The following KIF6 variants were observed in gnomAD, a reference collection of about 807,000 sequenced individuals.
The protein encoded by KIF6 is kinesin family member 6, also known as kinesin-like protein KIF6.
A neutral mutation model predicts 112.7 loss-of-function variants in KIF6; 106 were observed. That is an observed-to-expected ratio of 0.94 (90% CI 0.80 to 1.11). The LOEUF is 1.11. KIF6 is among the 50% of genes least tolerant of loss of function. The pLI is 0.00. For missense variants in KIF6, 929 were observed against 964.0 expected (o/e 0.96, Z 0.48); for synonymous variants, 339 against 339.9 (o/e 1.00, Z 0.03).
At chr6:39,384,521 C>T (rs964526837) in intron 16 of KIF6, among the ~76,000 whole-genome samples, 10 of 152,210 alleles carry the variant, frequency 6.6e-5, no homozygotes, top group Non-Finnish European at 1.2e-4. Context: ...CTCCAGTTGC[C>T]GTGGCTTAGG....
At chr6:39,541,944 A>T (rs1778812861) in intron 12 of KIF6, among the ~76,000 whole-genome samples, 1 of 152,134 alleles carries the variant, frequency 6.6e-6, no homozygotes, top group African/African-American at 2.4e-5. Context: ...TGAGATGAAG[A>T]ATTATCCAGC....
chr6:39,437,545 G>A (rs777967484), intron 13 of KIF6, among the ~76,000 whole-genome samples: 1 of 152,166 alleles, frequency 6.6e-6, no homozygotes, highest in African/African-American at 2.4e-5. Context: ...AATGAGGCAT[G>A]TATCCATTGC....
At chr6:39,356,594 A>G (rs1291816358) in intron 19 of KIF6, among the ~76,000 whole-genome samples, 2 of 152,054 alleles carry the variant, frequency 1.3e-5, no homozygotes, top group African/African-American at 4.8e-5. Context: ...GCCCTATTTT[A>G]TATTTCTAAT....
intron 13 of KIF6, among the ~76,000 whole-genome samples, chr6:39,513,837 T>G (rs558973723): frequency 6.6e-6 from 1 of 152,300 alleles, no homozygotes; most frequent in East Asian, 1.9e-4. Context: ...TAACAAGGTT[T>G]GAATGTGTGG....
intron 13 of KIF6, among the ~76,000 whole-genome samples, chr6:39,524,124 G>C (rs79065120): frequency 0.094 from 13,736 of 146,166 alleles, 895 homozygotes; most frequent in South Asian, 0.2. Flanking sequence ...GGGCAAGGCT[G>C]TGTGTGTGTG....
At chr6:39,445,965 G>T (rs1772283578) in intron 13 of KIF6, among the ~76,000 whole-genome samples, 1 of 152,214 alleles carries the variant, frequency 6.6e-6, no homozygotes, top group South Asian at 2.1e-4. Context: ...CCCAGGCAGA[G>T]ACCCAATGAA....
At chr6:39,682,191 C>T (rs1390143100) in intron 3 of KIF6, among the ~76,000 whole-genome samples, 1 of 152,128 alleles carries the variant, frequency 6.6e-6, no homozygotes, top group African/African-American at 2.4e-5. Context: ...TGTTATGCAT[C>T]GCTAAACAAT....
chr6:39,623,507 T>C (rs566434307), intron 5 of KIF6, among the ~76,000 whole-genome samples: 73 of 152,322 alleles, frequency 4.8e-4, no homozygotes, highest in African/African-American at 1.6e-3. Flanking sequence ...TTCCTGAGCA[T>C]TTTACCTTCT....
chr6:39,491,268 T>C (rs951289717), intron 13 of KIF6, among the ~76,000 whole-genome samples: 3 of 152,050 alleles, frequency 2.0e-5, no homozygotes, highest in Non-Finnish European at 4.4e-5. Flanking sequence ...ACTGCCATGT[T>C]GTGAGAACGC....
intron 10 of KIF6, among the ~76,000 whole-genome samples, chr6:39,560,807 T>C (rs975958104): frequency 6.6e-6 from 1 of 152,166 alleles, no homozygotes; most frequent in African/African-American, 2.4e-5. Flanking sequence ...GTAAGTACCT[T>C]TTCTGTGTTC....
At chr6:39,426,903 C>G (rs1260326524) in intron 14 of KIF6, among the ~76,000 whole-genome samples, 2 of 152,154 alleles carry the variant, frequency 1.3e-5, no homozygotes, top group Non-Finnish European at 2.9e-5. Context: ...GTGCTTAGAA[C>G]CTACTTGCTA....
At chr6:39,558,884 A>T (rs1475004875) in intron 10 of KIF6, among the ~76,000 whole-genome samples, 1 of 152,214 alleles carries the variant, frequency 6.6e-6, no homozygotes, top group Non-Finnish European at 1.5e-5. Flanking sequence ...TAAAATAATC[A>T]TTAAAATACA....
At chr6:39,436,905 T>C (rs1771567974) in intron 13 of KIF6, among the ~76,000 whole-genome samples, 1 of 152,114 alleles carries the variant, frequency 6.6e-6, no homozygotes, top group Non-Finnish European at 1.5e-5. Context: ...TTGTGAAAAG[T>C]GATATTAGTA....
intron 5 of KIF6, among the ~76,000 whole-genome samples, chr6:39,618,268 C>T (rs1260896405): frequency 6.6e-6 from 1 of 152,148 alleles, no homozygotes; most frequent in African/African-American, 2.4e-5. Flanking sequence ...GCTTGAAAAC[C>T]GTATCTTTTC....
chr6:39,535,065 C>G (rs548047110), intron 13 of KIF6, among the ~76,000 whole-genome samples: 4 of 152,254 alleles, frequency 2.6e-5, no homozygotes, highest in Admixed American at 6.5e-5. Context: ...GAAGGAAGCA[C>G]TAAACATGGA....
At chr6:39,608,044 G>A (rs890940565) in intron 6 of KIF6, among the ~76,000 whole-genome samples, 1 of 151,998 alleles carries the variant, frequency 6.6e-6, no homozygotes. Flanking sequence ...TAGACAACAC[G>A]TCCAAGAACA....
At chr6:39,434,687 G>A (rs71571372) in intron 13 of KIF6, among the ~76,000 whole-genome samples, 6 of 152,246 alleles carry the variant, frequency 3.9e-5, no homozygotes, top group African/African-American at 1.4e-4. Context: ...GCATGCGGGA[G>A]AGGGAGGGAG....
chr6:39,377,141 T>C (rs1298985377), intron 16 of KIF6, among the ~76,000 whole-genome samples: 1 of 152,156 alleles, frequency 6.6e-6, no homozygotes, highest in African/African-American at 2.4e-5. Flanking sequence ...ACAGCAGTCT[T>C]GACTTCAAGG....
intron 3 of KIF6, among the ~76,000 whole-genome samples, chr6:39,674,784 C>G (rs1412200881): frequency 1.3e-5 from 2 of 149,174 alleles, no homozygotes; most frequent in East Asian, 3.9e-4. Context: ...TTACAAATGA[C>G]TCAGGGCTGG....
Sources: gnomAD v4.1 joint callset for allele counts (sites outside exome capture counted in the v4.1 genomes callset) on GRCh38, gnomAD v4.1.1 for gene constraint, MANE v1.5 for transcripts, NCBI Gene and HGNC (gene_info 2026-07-23, HGNC 2026-07-21) for gene names.